RNF24: variants seen among roughly 807,000 people sequenced by gnomAD.
RNF24 encodes ring finger protein 24.
Under a neutral mutation model 20.0 loss-of-function variants are expected in RNF24, and 14 were observed. That is an observed-to-expected ratio of 0.70 (90% CI 0.46 to 1.10). The LOEUF is 1.10. RNF24 is among the 50% of genes least tolerant of loss of function. The probability of loss-of-function intolerance (pLI) is 0.00; values close to 1 mark genes in which losing one functional copy is unlikely to be tolerated. For missense variants in RNF24, 124 were observed against 177.6 expected, an observed-to-expected ratio of 0.70 and a Z score of 1.71; for synonymous variants, 45 against 61.1, an observed-to-expected ratio of 0.74 and a Z score of 1.23.
At chr20:4,011,308 T>C (rs1235704078) in intron 1 of RNF24, among the ~76,000 whole-genome samples, 1 of 152,232 alleles carries the variant, frequency 6.6e-6, no homozygotes. Context: ...TTTCCAGACA[T>C]GTAACTTCTG....
chr20:3,948,315 T>A lies in RNF24; in HGVS notation c.144-36A>T, dbSNP rs753121146. ...GAAATTAGTAATGCAATATTGAGATTTCCAACATAGTAACTTGAAGAAAAA... is the reference window on the plus strand; with the variant it reads ...GAAATTAGTAATGCAATATTGAGATATCCAACATAGTAACTTGAAGAAAAA... On this transcript the variant is annotated intron_variant, in intron 2 of 5. Coordinates refer to ENST00000358395, the MANE Select transcript of RNF24 (RefSeq NM_001134337.3). 34 of 1,422,720 alleles carry A rather than the reference T, an allele frequency of 2.4e-5. No homozygotes were observed. In the East Asian group the frequency reaches 7.8e-4, roughly 33 times the overall value. The allele number at this position is 1,422,720 out of a possible 1,614,324, so 88.1% of individuals were successfully genotyped here.
At chr20:3,954,241 C>A (rs566266182) in intron 2 of RNF24, among the ~76,000 whole-genome samples, 4 of 152,230 alleles carry the variant, frequency 2.6e-5, no homozygotes, top group African/African-American at 9.6e-5. Context: ...TGATCACTCC[C>A]CATTACCCCT....
At chr20:3,949,365 G>A (rs554555396) in intron 2 of RNF24, among the ~76,000 whole-genome samples, 1 of 151,662 alleles carries the variant, frequency 6.6e-6, no homozygotes, top group African/African-American at 2.4e-5. Context: ...GGGTGACATA[G>A]TGAGACTTTG....
At position 3,930,997 on chromosome 20, in the gene RNF24, C is replaced by T. The variant is rs2090814126; in HGVS notation, c.*3066G>A. ...GCCAGGGACAGGCCTAACCAAATCA[C>T]ACGTGGCAAAGAAAAGCAGCAGATG... On this transcript the variant is annotated 3_prime_UTR_variant, in exon 6 of 6. Coordinates refer to ENST00000358395, the MANE Select transcript of RNF24 (RefSeq NM_001134337.3). 1 of 152,278 alleles carries T rather than the reference C, an allele frequency of 6.6e-6. No homozygotes were observed. The highest frequency in any genetic ancestry group is 1.5e-5 in the Non-Finnish European group (1 of 68,082). 9.4% of individuals were successfully genotyped at this position (152,278 alleles called of 1,614,324 possible).
At chr20:3,989,694 A>C (rs556769655) in intron 1 of RNF24, among the ~76,000 whole-genome samples, 4 of 152,138 alleles carry the variant, frequency 2.6e-5, no homozygotes, top group Non-Finnish European at 4.4e-5. Context: ...CGAGCTGTGA[A>C]GGGAACTGAT....
intron 2 of RNF24, among the ~76,000 whole-genome samples, chr20:3,957,658 T>C (rs1203167490): frequency 1.3e-5 from 2 of 152,088 alleles, no homozygotes; most frequent in African/African-American, 4.8e-5. Flanking sequence ...CTTCCATCTG[T>C]GGCTCAAAAT....
Position 3,934,025 on chromosome 20 carries a change from G to C in RNF24, c.*38C>G, listed in dbSNP as rs1293769958. On this transcript the variant is annotated 3_prime_UTR_variant, in exon 6 of 6. Transcript: ENST00000358395. This position sits in a 1 kb window ranked among gnomAD's most constrained non-coding sequence, Gnocchi z 4.0. ...CATGTGTTCCTCCTGGCTCCACACA[G>C]ACGTCGTGTCCAGCAACAGTCTGAT... is the stretch of plus-strand genomic sequence containing the variant. 4.2e-6 allele frequency: 6 copies of C among 1,422,700 alleles called. No homozygotes were observed. Among genetic ancestry groups the C allele is most frequent in the Non-Finnish European group, 5.5e-6 (6 of 1,083,220 alleles). The allele number at this position is 1,422,700 out of a possible 1,614,324, so 88.1% of individuals were successfully genotyped here.
chr20:3,939,722 G>C, intron 4 of RNF24, among the ~76,000 whole-genome samples: 1 of 152,092 alleles, frequency 6.6e-6, no homozygotes, highest in Middle Eastern at 3.2e-3. Context: ...TCATCTGCTT[G>C]TCAATTTGTG....
Position 3,934,930 on chromosome 20 carries a change from A to G in RNF24, c.308+64T>C, listed in dbSNP as rs1001683196. ...CTTGTCTGGCACTGCCCTAAAACCC[A>G]AAAGAAGTTGGTTGATGTGCCTCAA... is the stretch of plus-strand genomic sequence containing the variant. On this transcript the variant is annotated intron_variant, in intron 5 of 5. Coordinates refer to ENST00000358395, the MANE Select transcript of RNF24 (RefSeq NM_001134337.3). The surrounding 1 kb of genome is among the most constrained non-coding windows in gnomAD (Gnocchi z 4.0). The G allele has an allele frequency of 2.8e-6, 4 of 1,417,204 alleles. No homozygotes were observed. The highest frequency in any genetic ancestry group is 4.0e-6 in the Non-Finnish European group (4 of 1,003,156). The allele number at this position is 1,417,204 out of a possible 1,614,324, so 87.8% of individuals were successfully genotyped here.
chr20:3,990,540 A>G (rs1600700677), intron 1 of RNF24, among the ~76,000 whole-genome samples: 1 of 152,278 alleles, frequency 6.6e-6, no homozygotes, highest in Non-Finnish European at 1.5e-5. Context: ...ATATCATCAC[A>G]ATCTAATGTT....
In RNF24 at chr20:3,969,179, C is replaced by T. The variant is rs146223709; in HGVS notation, c.-7-5155G>A. Reference sequence around the variant, plus strand: ...ACTTAGAACAGTACCTGGGCACATACTGTGTACTTGAGAAATGTTAGTTTT... The same window carrying T: ...ACTTAGAACAGTACCTGGGCACATATTGTGTACTTGAGAAATGTTAGTTTT... On this transcript the variant is annotated intron_variant, in intron 1 of 5. Transcript: ENST00000358395. Among the ~76,000 whole-genome samples the T allele has an allele frequency of 5.3e-5, 8 of 152,218 alleles. No homozygotes were observed. In the East Asian group the frequency reaches 1.5e-3, roughly 29 times the overall value.
rs1415860345 is a variant in RNF24, at chr20:3,930,811, T to C, written c.*3252A>G. On this transcript the variant is annotated 3_prime_UTR_variant, in exon 6 of 6. Coordinates refer to ENST00000358395, the MANE Select transcript of RNF24 (RefSeq NM_001134337.3). ...CTGATGGATCCAAGGGGCTTGGCAC[T>C]GGGGAAAAGGATCTTCTTGTCAAGA... is the stretch of plus-strand genomic sequence containing the variant. The C allele has an allele frequency of 6.6e-6, 1 of 152,288 alleles. No homozygotes were observed. Among genetic ancestry groups the C allele is most frequent in the Non-Finnish European group, 1.5e-5 (1 of 68,108 alleles). The allele number at this position is 152,288 out of a possible 1,614,324, so 9.4% of individuals were successfully genotyped here. A position where few individuals can be genotyped will look rare whatever the true frequency, so the allele number is the denominator to read the frequency against.
At chr20:3,940,295 CA>C (rs2090939609) in intron 4 of RNF24, among the ~76,000 whole-genome samples, 1 of 151,010 alleles carries the variant, frequency 6.6e-6, no homozygotes, top group African/African-American at 2.4e-5. Context: ...AGAATAATCA[CA>C]ATAAAAAAAC....
rs1033891325 is a variant in RNF24 at position 3,931,911 on chromosome 20, G to A, written c.*2152C>T. 7.2e-5 allele frequency: 11 copies of A among 152,222 alleles called. No homozygotes were observed. The highest frequency in any genetic ancestry group is 2.0e-4 in the Admixed American group (3 of 15,282). 9.4% of individuals were successfully genotyped at this position (152,222 alleles called of 1,614,324 possible). A position where few individuals can be genotyped will look rare whatever the true frequency, so the allele number is the denominator to read the frequency against. On this transcript the variant is annotated 3_prime_UTR_variant, in exon 6 of 6. Coordinates refer to ENST00000358395, the MANE Select transcript of RNF24 (RefSeq NM_001134337.3). ...GCCTGTGGCTCTGACACGGGGGGAT[G>A]AATTAACTTGCCTCTGTTCAAATAT...
chr20:3,942,649 AT>A (rs1242794652), intron 4 of RNF24, among the ~76,000 whole-genome samples: 2 of 151,520 alleles, frequency 1.3e-5, no homozygotes, highest in Non-Finnish European at 2.9e-5. Context: ...ATTTTTTTGT[AT>A]TTTTAGTAGA....
intron 3 of RNF24, among the ~76,000 whole-genome samples, chr20:3,946,362 G>GCCC (rs2091016870): frequency 6.6e-6 from 1 of 152,110 alleles, no homozygotes; most frequent in South Asian, 2.1e-4. Context: ...TGCTACTTGG[G>GCCC]AGGCTCACCT....
chr20:3,949,938 A>G (rs2091063014), intron 2 of RNF24, among the ~76,000 whole-genome samples: 1 of 152,178 alleles, frequency 6.6e-6, no homozygotes, highest in African/African-American at 2.4e-5. Context: ...ATGTAGGTCT[A>G]TGATCCATCT....
intron 1 of RNF24, among the ~76,000 whole-genome samples, chr20:3,997,195 C>A (rs1157036752): frequency 7.9e-5 from 11 of 138,788 alleles, no homozygotes; most frequent in Non-Finnish European, 1.2e-4. Flanking sequence ...CACTGCACTC[C>A]AGCCTGGGCA....
intron 1 of RNF24, among the ~76,000 whole-genome samples, chr20:3,995,805 T>C (rs1366848970): frequency 6.6e-6 from 1 of 151,886 alleles, no homozygotes; most frequent in African/African-American, 2.4e-5. Context: ...TTTCAATATT[T>C]GGGGGGTGAA....
Sources: allele counts gnomAD v4.1 joint callset (sites outside exome capture counted in the v4.1 genomes callset), GRCh38; gene constraint gnomAD v4.1.1; non-coding constraint Gnocchi (gnomAD v3.1); transcripts MANE v1.5; gene names NCBI Gene and HGNC (gene_info 2026-07-23, HGNC 2026-07-21).